The following XKR4 variants were observed in gnomAD, a reference collection of about 807,000 sequenced individuals.
The protein encoded by XKR4 is XK related 4, also known as XK-related protein 4.
In XKR4, 12 loss-of-function variants were observed where a neutral mutation model predicts 53.9. The ratio of observed to expected loss-of-function variants is 0.22; its 90% confidence interval spans 0.14 to 0.36. The LOEUF (loss-of-function observed/expected upper bound fraction) is 0.36. Ranked by LOEUF, XKR4 falls within the 10% of genes least tolerant of loss-of-function variation. The pLI is 1.00. For missense variants in XKR4, 799 were observed against 859.5 expected (o/e 0.93, Z 0.88); for synonymous variants, 354 against 362.4 (o/e 0.98, Z 0.26).
At chr8:55,296,447 G>A (rs1346289491) in intron 1 of XKR4, among the ~76,000 whole-genome samples, 2 of 152,122 alleles carry the variant, frequency 1.3e-5, no homozygotes, top group Non-Finnish European at 2.9e-5. Flanking sequence ...ATAATTACCT[G>A]TTAAGATTCT....
intron 2 of XKR4, among the ~76,000 whole-genome samples, chr8:55,413,116 G>A (rs1645904722): frequency 6.6e-6 from 1 of 152,182 alleles, no homozygotes; most frequent in South Asian, 2.1e-4. Context: ...CCACAATTAT[G>A]CATATATGAC....
At chr8:55,485,623 C>A (rs1806180077) in intron 2 of XKR4, among the ~76,000 whole-genome samples, 1 of 152,162 alleles carries the variant, frequency 6.6e-6, no homozygotes, top group South Asian at 2.1e-4. Flanking sequence ...CTGCCCCCCT[C>A]AGCCTCCAAA....
intron 1 of XKR4, among the ~76,000 whole-genome samples, chr8:55,171,316 G>A (rs975175217): frequency 2.0e-5 from 3 of 152,126 alleles, no homozygotes; most frequent in Non-Finnish European, 4.4e-5. Context: ...GCGTCTGGTG[G>A]GAGACACAAT....
Position 55,528,550 on chromosome 8 carries a change from T to C in XKR4, c.*4323T>C, listed in dbSNP as rs1806907992. 6.6e-6 allele frequency: 1 copy of C among 152,244 alleles called. No homozygotes were observed. Among genetic ancestry groups the C allele is most frequent in the South Asian group, 2.1e-4 (1 of 4,834 alleles). 9.4% of individuals were successfully genotyped at this position (152,244 alleles called of 1,614,324 possible). ...ATATCTTTGCCATTAGCCATTGCTG[T>C]TTCTATATAAAGCTTGGATGAGATG... On this transcript the variant is annotated 3_prime_UTR_variant, in exon 3 of 3. Transcript: ENST00000327381.
chr8:55,324,199 A>G (rs910914209), intron 1 of XKR4, among the ~76,000 whole-genome samples: 3 of 152,122 alleles, frequency 2.0e-5, no homozygotes, highest in African/African-American at 7.2e-5. Flanking sequence ...GAACTCAAGC[A>G]ATCCTCCCAC....
chr8:55,285,950 A>G (rs972922412), intron 1 of XKR4, among the ~76,000 whole-genome samples: 2 of 152,322 alleles, frequency 1.3e-5, no homozygotes, highest in Middle Eastern at 3.4e-3. Flanking sequence ...AGCAAATCTG[A>G]GTTTATTTTC....
chr8:55,287,413 A>G (rs1359907578), intron 1 of XKR4, among the ~76,000 whole-genome samples: 3 of 152,228 alleles, frequency 2.0e-5, no homozygotes, highest in Admixed American at 6.5e-5. Context: ...TATTAACACT[A>G]TGACTGACAT....
Position 55,531,427 on chromosome 8 carries a change from C to T in XKR4, c.*7200C>T, listed in dbSNP as rs1806951377. 6.6e-6 allele frequency: 1 copy of T among 151,848 alleles called. No individual in the cohort carries two copies. Among genetic ancestry groups the T allele is most frequent in the Admixed American group, 6.6e-5 (1 of 15,246 alleles). The allele number at this position is 151,848 out of a possible 1,614,324, so 9.4% of individuals were successfully genotyped here. On this transcript the variant is annotated 3_prime_UTR_variant, in exon 3 of 3. Transcript: ENST00000327381. ...TGCAGTCTATTATTGACCAAAATGCCATTGTGTGGCATGTGAGCCTTACAA... is the reference window on the plus strand; with the variant it reads ...TGCAGTCTATTATTGACCAAAATGCTATTGTGTGGCATGTGAGCCTTACAA...
chr8:55,413,184 G>A (rs1804800046), intron 2 of XKR4, among the ~76,000 whole-genome samples: 1 of 152,162 alleles, frequency 6.6e-6, no homozygotes, highest in East Asian at 1.9e-4. Context: ...AAAGAAATTA[G>A]TTGCTCTATT....
chr8:55,382,132 C>T (rs2129387608), intron 2 of XKR4, among the ~76,000 whole-genome samples: 1 of 152,222 alleles, frequency 6.6e-6, no homozygotes. Context: ...TCAAATTTTC[C>T]CATTTTAAAT....
chr8:55,383,796 C>G (rs1233538450), intron 2 of XKR4, among the ~76,000 whole-genome samples: 1 of 151,828 alleles, frequency 6.6e-6, no homozygotes, highest in Admixed American at 6.6e-5. Flanking sequence ...TATAAGGAAA[C>G]AGAGGTGCAG....
At chr8:55,462,197 G>C (rs925588234) in intron 2 of XKR4, among the ~76,000 whole-genome samples, 1 of 152,164 alleles carries the variant, frequency 6.6e-6, no homozygotes, top group African/African-American at 2.4e-5. Context: ...TTGAAATGAA[G>C]GAAAAAATGT....
intron 1 of XKR4, among the ~76,000 whole-genome samples, chr8:55,135,908 T>G (rs1816622086): frequency 6.6e-6 from 1 of 151,932 alleles, no homozygotes; most frequent in South Asian, 2.1e-4. Flanking sequence ...TTTTTTTGTT[T>G]TTTTGAGACA....
intron 2 of XKR4, among the ~76,000 whole-genome samples, chr8:55,358,320 A>G (rs1342870567): frequency 1.3e-5 from 2 of 151,992 alleles, no homozygotes; most frequent in African/African-American, 4.8e-5. Context: ...TGATGTTGAG[A>G]GAGAGAGAGA....
chr8:55,502,328 T>G (rs934876836), intron 2 of XKR4, among the ~76,000 whole-genome samples: 2 of 152,186 alleles, frequency 1.3e-5, no homozygotes, highest in Non-Finnish European at 2.9e-5. Context: ...CATTTAACAT[T>G]CCCACCAACA....
intron 1 of XKR4, among the ~76,000 whole-genome samples, chr8:55,193,645 C>T (rs1248616342): frequency 6.6e-6 from 1 of 152,230 alleles, no homozygotes; most frequent in Admixed American, 6.5e-5. Flanking sequence ...ACAAATGCTG[C>T]TCATCTGCAG....
At chr8:55,408,126 G>A (rs1054472010) in intron 2 of XKR4, among the ~76,000 whole-genome samples, 2 of 152,172 alleles carry the variant, frequency 1.3e-5, no homozygotes, top group African/African-American at 4.8e-5. Context: ...TCACACAGGG[G>A]AAAAGCAGGC....
At chr8:55,177,615 A>G (rs1331624767) in intron 1 of XKR4, among the ~76,000 whole-genome samples, 1 of 152,224 alleles carries the variant, frequency 6.6e-6, no homozygotes, top group Admixed American at 6.5e-5. Context: ...GCCCTGGCAG[A>G]CATACTCCTG....
chr8:55,501,759 T>G (rs1431147730), intron 2 of XKR4, among the ~76,000 whole-genome samples: 1 of 152,190 alleles, frequency 6.6e-6, no homozygotes, highest in Non-Finnish European at 1.5e-5. Flanking sequence ...TTCCACTTTT[T>G]GGCTATTGTG....
Sources: gnomAD v4.1 joint callset for allele counts (sites outside exome capture counted in the v4.1 genomes callset) on GRCh38, gnomAD v4.1.1 for gene constraint, MANE v1.5 for transcripts, NCBI Gene and HGNC (gene_info 2026-07-23, HGNC 2026-07-21) for gene names.